CNTN5: variants seen among roughly 807,000 people sequenced by gnomAD.
CNTN5 encodes contactin-5.
Under a neutral mutation model 129.1 loss-of-function variants are expected in CNTN5, and 77 were observed. The observed-to-expected ratio is 0.60, with a 90% CI of 0.50 to 0.72. The LOEUF is 0.72. Among genes scored for constraint, CNTN5 ranks in the 30% least tolerant of loss-of-function variants. The pLI, the probability that CNTN5 is intolerant of heterozygous loss-of-function variation, is 0.00. For synonymous variants in CNTN5, 509 were observed against 465.6 expected, an observed-to-expected ratio of 1.09 and a Z score of -1.20; for missense variants, 1,478 against 1,328.8, an observed-to-expected ratio of 1.11 and a Z score of -1.75.
At chr11:99,523,545 A>C (rs1448462723) in intron 2 of CNTN5, among the ~76,000 whole-genome samples, 1 of 151,946 alleles carries the variant, frequency 6.6e-6, no homozygotes, top group African/African-American at 2.4e-5. Context: ...CTGTGAGCAA[A>C]GGTCACTGCA....
intron 1 of CNTN5, among the ~76,000 whole-genome samples, chr11:99,266,385 G>A (rs1378483588): frequency 1.3e-5 from 2 of 151,982 alleles, no homozygotes; most frequent in African/African-American, 2.4e-5. Context: ...GATCGCTTGA[G>A]GCCAAGAATT....
At chr11:100,281,153 T>A (rs1451940236) in intron 18 of CNTN5, among the ~76,000 whole-genome samples, 1 of 152,158 alleles carries the variant, frequency 6.6e-6, no homozygotes, top group Non-Finnish European at 1.5e-5. Flanking sequence ...TAATATTCTG[T>A]GTTTTCCTGT....
At chr11:100,259,355 T>G (rs1328084927) in intron 17 of CNTN5, among the ~76,000 whole-genome samples, 2 of 152,104 alleles carry the variant, frequency 1.3e-5, no homozygotes, top group African/African-American at 4.8e-5. Flanking sequence ...TGGGAGACTT[T>G]AACACCCCAC....
intron 3 of CNTN5, among the ~76,000 whole-genome samples, chr11:99,570,448 G>A (rs1401971641): frequency 1.3e-5 from 2 of 152,132 alleles, no homozygotes; most frequent in East Asian, 1.9e-4. Flanking sequence ...TCAAGTAGTC[G>A]TAGCCTATAT....
chr11:99,095,748 G>C (rs1229416653), intron 1 of CNTN5, among the ~76,000 whole-genome samples: 1 of 151,814 alleles, frequency 6.6e-6, no homozygotes, highest in African/African-American at 2.4e-5. Context: ...ACTGTAGTTT[G>C]GATAAAGATT....
chr11:100,296,022 G>T (rs1951093125), intron 18 of CNTN5, among the ~76,000 whole-genome samples: 1 of 151,556 alleles, frequency 6.6e-6, no homozygotes, highest in East Asian at 1.9e-4. Context: ...CTATTTATTT[G>T]ACTATGCTTT....
intron 3 of CNTN5, among the ~76,000 whole-genome samples, chr11:99,587,969 A>G (rs1949854287): frequency 6.6e-6 from 1 of 152,226 alleles, no homozygotes; most frequent in Non-Finnish European, 1.5e-5. Flanking sequence ...ACAAGAGAAC[A>G]AGAACCTTAG....
intron 3 of CNTN5, among the ~76,000 whole-genome samples, chr11:99,778,498 A>G (rs912346713): frequency 1.3e-5 from 2 of 151,834 alleles, no homozygotes; most frequent in African/African-American, 2.4e-5. Flanking sequence ...TTATTCCTCT[A>G]TTCTGTGGGG....
At chr11:99,645,590 A>AC (rs1472684905) in intron 3 of CNTN5, among the ~76,000 whole-genome samples, 1 of 152,080 alleles carries the variant, frequency 6.6e-6, no homozygotes, top group Non-Finnish European at 1.5e-5. Flanking sequence ...AAAATGTGGT[A>AC]ATATACACCA....
intron 6 of CNTN5, among the ~76,000 whole-genome samples, chr11:99,882,912 T>G (rs536821016): frequency 6.6e-6 from 1 of 152,272 alleles, no homozygotes; most frequent in African/African-American, 2.4e-5. Flanking sequence ...ACTCTCTATC[T>G]TCATGATTTC....
intron 1 of CNTN5, among the ~76,000 whole-genome samples, chr11:99,099,753 A>G (rs1171075185): frequency 6.6e-6 from 1 of 152,182 alleles, no homozygotes; most frequent in African/African-American, 2.4e-5. Flanking sequence ...TTCCTAAATC[A>G]TAAGGTTGCT....
intron 13 of CNTN5, among the ~76,000 whole-genome samples, chr11:100,095,720 C>T (rs527569544): frequency 1.3e-5 from 2 of 152,070 alleles, no homozygotes; most frequent in African/African-American, 4.8e-5. Context: ...TGGTCTTAGG[C>T]AAGATCTACA....
At chr11:99,113,746 A>G (rs1175087527) in intron 1 of CNTN5, among the ~76,000 whole-genome samples, 2 of 152,130 alleles carry the variant, frequency 1.3e-5, no homozygotes, top group Non-Finnish European at 2.9e-5. Flanking sequence ...AGTCAAAGGT[A>G]TGTAGCATGG....
intron 3 of CNTN5, among the ~76,000 whole-genome samples, chr11:99,577,593 T>A (rs1174741490): frequency 6.6e-6 from 1 of 152,158 alleles, no homozygotes; most frequent in Non-Finnish European, 1.5e-5. Context: ...GTGTGACAGA[T>A]GATTATTTTT....
intron 8 of CNTN5, among the ~76,000 whole-genome samples, chr11:99,972,517 T>C (rs1356167356): frequency 6.6e-6 from 1 of 152,200 alleles, no homozygotes; most frequent in Non-Finnish European, 1.5e-5. Flanking sequence ...ACATGCTCTC[T>C]CTTTCTAAAG....
intron 2 of CNTN5, among the ~76,000 whole-genome samples, chr11:99,462,360 C>CTTTTTTTTTTTTTTTTTCT (rs72276833): frequency 8.0e-6 from 1 of 125,282 alleles, no homozygotes; most frequent in African/African-American, 2.9e-5. Context: ...CTTTTCTTTT[C>CTTTTTTTTTTTTTTTTTCT]TTTTTTTTTT....
chr11:99,934,796 A>G (rs1950269715), intron 7 of CNTN5, among the ~76,000 whole-genome samples: 1 of 151,074 alleles, frequency 6.6e-6, no homozygotes, highest in South Asian at 2.1e-4. Context: ...AATCCCTTGA[A>G]CATGGGAGGC....
chr11:99,601,217 T>A (rs1364476281), intron 3 of CNTN5, among the ~76,000 whole-genome samples: 1 of 152,220 alleles, frequency 6.6e-6, no homozygotes, highest in Non-Finnish European at 1.5e-5. Flanking sequence ...TTACTCAAGA[T>A]GTTGAAAGTG....
intron 13 of CNTN5, among the ~76,000 whole-genome samples, chr11:100,190,192 T>C (rs1310042215): frequency 2.0e-5 from 3 of 152,136 alleles, no homozygotes; most frequent in Non-Finnish European, 4.4e-5. Context: ...GATCCAATTT[T>C]AGGATTTTAG....
Sources: gnomAD v4.1 joint callset for allele counts (sites outside exome capture counted in the v4.1 genomes callset) on GRCh38, gnomAD v4.1.1 for gene constraint, MANE v1.5 for transcripts, NCBI Gene and HGNC (gene_info 2026-07-23, HGNC 2026-07-21) for gene names.